Variants in BBX observed in about 807,000 individuals in gnomAD.
BBX encodes the protein BBX high mobility group box domain containing.
BBX carries 30 observed loss-of-function variants against 100.2 expected under a neutral mutation model. The observed-to-expected ratio is 0.30, with a 90% CI of 0.22 to 0.41. BBX has a LOEUF of 0.41. BBX is among the 10% of genes least tolerant of loss of function. The pLI, the probability that BBX is intolerant of heterozygous loss-of-function variation, is 1.00. For missense variants in BBX, 1,023 were observed against 1,129.8 expected (o/e 0.91, Z 1.35); for synonymous variants, 376 against 388.1 (o/e 0.97, Z 0.37).
At chr3:107,690,882 G>GC (rs33924823) in intron 3 of BBX, among the ~76,000 whole-genome samples, 2,553 of 85,536 alleles carry the variant, frequency 0.03, 431 homozygotes, top group African/African-American at 0.089. Flanking sequence ...TCACTTTGAT[G>GC]CCCCCCCCCC....
At chr3:107,675,080 A>ATAAC (rs1300836044) in intron 3 of BBX, among the ~76,000 whole-genome samples, 1 of 152,188 alleles carries the variant, frequency 6.6e-6, no homozygotes. Context: ...TTGCAGAAGA[A>ATAAC]AGAAAGGACA....
At position 107,662,163 on chromosome 3, in the gene BBX, C is replaced by T. The variant is rs540628712; in HGVS notation, c.-10+16254C>T. On this transcript the variant is annotated intron_variant, in intron 3 of 17. Coordinates refer to ENST00000325805, the MANE Select transcript of BBX (RefSeq NM_001142568.3). ...ATAAACGAATTGTGTTTTATGTGTG[C>T]TGATGGGGCCTAGGGTTAATGGAGT... is the stretch of plus-strand genomic sequence containing the variant. Among the ~76,000 whole-genome samples, 7 of 152,206 alleles carry T rather than the reference C, an allele frequency of 4.6e-5. 1 individual carries two copies. Among genetic ancestry groups the T allele is most frequent in the African/African-American group, 1.2e-4 (5 of 41,522 alleles).
chr3:107,779,657 G>A (rs1430245848), intron 13 of BBX, among the ~76,000 whole-genome samples: 3 of 151,970 alleles, frequency 2.0e-5, no homozygotes, highest in Non-Finnish European at 2.9e-5. Flanking sequence ...CCAATTAATC[G>A]ATCAGATATA....
At chr3:107,692,915 T>A (rs2060282974) in intron 3 of BBX, among the ~76,000 whole-genome samples, 1 of 150,594 alleles carries the variant, frequency 6.6e-6, no homozygotes, top group South Asian at 2.1e-4. Context: ...TGGTATCTCG[T>A]TGTGGTTTTG....
In BBX at chr3:107,625,374, C is replaced by T. The variant is rs562054361; in HGVS notation, c.-83-20462C>T. Among the ~76,000 whole-genome samples, 5 of 152,284 alleles carry T rather than the reference C, an allele frequency of 3.3e-5. No homozygotes were observed. In the East Asian group the frequency reaches 5.8e-4, roughly 18 times the overall value. Reference sequence around the variant, plus strand: ...CTCACTGCAACCTCCACCACACACACAGTAGCGATTCTCTTGCCTCAGCCA... The same window carrying T: ...CTCACTGCAACCTCCACCACACACATAGTAGCGATTCTCTTGCCTCAGCCA... On this transcript the variant is annotated intron_variant, in intron 2 of 17. Transcript: ENST00000325805.
intron 2 of BBX, among the ~76,000 whole-genome samples, chr3:107,540,200 C>T (rs1159557251): frequency 6.6e-6 from 1 of 152,072 alleles, no homozygotes; most frequent in East Asian, 1.9e-4. Context: ...TAGAAGCTCC[C>T]CTGAAGCAGT....
chr3:107,651,924 C>T (rs1384666061), intron 3 of BBX, among the ~76,000 whole-genome samples: 3 of 151,964 alleles, frequency 2.0e-5, no homozygotes, highest in Non-Finnish European at 4.4e-5. Flanking sequence ...TAGTTTCTGT[C>T]TCTAGTAAGC....
chr3:107,582,250 T>C (rs2052338987), intron 2 of BBX, among the ~76,000 whole-genome samples: 1 of 151,926 alleles, frequency 6.6e-6, no homozygotes, highest in South Asian at 2.1e-4. Flanking sequence ...CTGCAGTTTT[T>C]ACCTTAAACA....
chr3:107,677,952 A>T (rs2059371930), intron 3 of BBX, among the ~76,000 whole-genome samples: 1 of 152,186 alleles, frequency 6.6e-6, no homozygotes, highest in African/African-American at 2.4e-5. Context: ...GCTAGAAAAT[A>T]GAATTACCAA....
chr3:107,527,031 G>C (rs2047830736), intron 2 of BBX, among the ~76,000 whole-genome samples: 1 of 152,186 alleles, frequency 6.6e-6, no homozygotes, highest in East Asian at 1.9e-4. Context: ...AAGACTTTGA[G>C]ATCTGTTGTT....
At chr3:107,575,697 A>G (rs1559829955) in intron 2 of BBX, among the ~76,000 whole-genome samples, 1 of 152,178 alleles carries the variant, frequency 6.6e-6, no homozygotes, top group Non-Finnish European at 1.5e-5. Context: ...TGATGATGTA[A>G]TACCAGACAT....
intron 2 of BBX, among the ~76,000 whole-genome samples, chr3:107,635,836 C>T (rs746863206): frequency 3.3e-5 from 5 of 151,804 alleles, no homozygotes; most frequent in African/African-American, 4.8e-5. Context: ...CTCAGCCTCC[C>T]GAGTAGCTGG....
chr3:107,584,047 ATATAT>A lies in BBX; in HGVS notation c.-84+57650_-84+57654del, dbSNP rs1313306742. Among the ~76,000 whole-genome samples, 56 of 38,986 alleles carry A rather than the reference ATATAT, an allele frequency of 1.4e-3. 2 individuals are homozygous for A. Among genetic ancestry groups the A allele is most frequent in the African/African-American group, 7.7e-3 (53 of 6,870 alleles). 25.6% of individuals were successfully genotyped at this position (38,986 alleles called of 152,430 possible). A position where few individuals can be genotyped will look rare whatever the true frequency, so the allele number is the denominator to read the frequency against. On this transcript the variant is annotated intron_variant, in intron 2 of 17. Transcript: ENST00000325805. ...ATTATATATATTAATTATATATATT[ATATAT>A]ATTATATATATCATATATTATATAT...
intron 3 of BBX, among the ~76,000 whole-genome samples, chr3:107,707,987 C>A (rs772357899): frequency 2.0e-5 from 3 of 152,170 alleles, no homozygotes; most frequent in Non-Finnish European, 4.4e-5. Context: ...CCACTGATTT[C>A]TTTTACTGTT....
At chr3:107,696,768 T>A (rs1453542699) in intron 3 of BBX, among the ~76,000 whole-genome samples, 1 of 151,550 alleles carries the variant, frequency 6.6e-6, no homozygotes, top group African/African-American at 2.4e-5. Flanking sequence ...GGGGAAGTTC[T>A]CCTGGATAAT....
At chr3:107,595,724 A>G (rs1421453993) in intron 2 of BBX, among the ~76,000 whole-genome samples, 2 of 152,246 alleles carry the variant, frequency 1.3e-5, no homozygotes, top group Admixed American at 6.5e-5. Flanking sequence ...CTCAGCAGTC[A>G]CTATCAGTGA....
rs1382325239 is a variant in BBX at position 107,732,825 on chromosome 3, A to T, written c.602-131A>T. ...TACTGTTGCATAAAGAGTTTTTAAA[A>T]GTTTTTATAAAAAGTTATATGTGGT... is the stretch of plus-strand genomic sequence containing the variant. On this transcript the variant is annotated intron_variant, in intron 6 of 17. Transcript: ENST00000325805. 9.6e-6 allele frequency: 7 copies of T among 729,182 alleles called. No individual in the cohort carries two copies. In the East Asian group the frequency reaches 1.7e-4, roughly 17 times the overall value. The allele number at this position is 729,182 out of a possible 1,614,324, so 45.2% of individuals were successfully genotyped here.
intron 3 of BBX, among the ~76,000 whole-genome samples, chr3:107,652,520 A>G (rs551300647): frequency 5.4e-4 from 82 of 152,334 alleles, no homozygotes; most frequent in African/African-American, 1.9e-3. Context: ...CTCAAACTCA[A>G]AAACCTTGTA....
chr3:107,659,821 T>G, intron 3 of BBX: 1 of 1,105,150 alleles, frequency 9.0e-7, no homozygotes, highest in Non-Finnish European at 1.2e-6. Flanking sequence ...AGACTAGAAA[T>G]GCTGTTCTAG....
Sources: allele counts gnomAD v4.1 joint callset (sites outside exome capture counted in the v4.1 genomes callset), GRCh38; gene constraint gnomAD v4.1.1; transcripts MANE v1.5; gene names NCBI Gene and HGNC (gene_info 2026-07-23, HGNC 2026-07-21).